Variants in GYS2 observed in about 807,000 individuals in gnomAD.
The protein encoded by GYS2 is glycogen synthase 2, also known as glycogen [starch] synthase, liver.
Under a neutral mutation model 85.6 loss-of-function variants are expected in GYS2, and 80 were observed. The ratio of observed to expected loss-of-function variants is 0.93; its 90% CI spans 0.78 to 1.13. The LOEUF (loss-of-function observed/expected upper bound fraction) is 1.13. Among genes scored for constraint, GYS2 ranks in the 50% most tolerant of loss-of-function variants. GYS2 has a pLI of 0.00. For synonymous variants in GYS2, 328 were observed against 300.7 expected (o/e 1.09, Z -0.94); for missense variants, 881 against 854.9 (o/e 1.03, Z -0.38).
At chr12:21,574,749 T>A (rs368486814) in intron 3 of GYS2, among the ~76,000 whole-genome samples, 1 of 152,082 alleles carries the variant, frequency 6.6e-6, no homozygotes, top group South Asian at 2.1e-4. Flanking sequence ...CTACTTAAAT[T>A]TTTTTTAATT....
At chr12:21,567,932 G>C (rs1944341404) in intron 5 of GYS2, among the ~76,000 whole-genome samples, 1 of 152,020 alleles carries the variant, frequency 6.6e-6, no homozygotes, top group Admixed American at 6.6e-5. Flanking sequence ...AATTAGCTGG[G>C]CGTGGTGGCA....
At chr12:21,542,643 T>C (rs754214405) in intron 12 of GYS2, 52 bp from the exon 13 acceptor site, 3 of 1,188,732 alleles carry the variant, frequency 2.5e-6, no homozygotes, top group Non-Finnish European at 3.8e-6. Context: ...CCTATATCCT[T>C]GTATGCACTC....
intron 15 of GYS2, among the ~76,000 whole-genome samples, chr12:21,539,030 G>C (rs1943941930): frequency 6.6e-6 from 1 of 152,158 alleles, no homozygotes; most frequent in Non-Finnish European, 1.5e-5. Flanking sequence ...CAAGCATTAA[G>C]GCAGAGAAAG....
intron 1 of GYS2, 63 bp from the exon 2 acceptor site, chr12:21,580,586 G>T: frequency 8.4e-7 from 1 of 1,190,466 alleles, no homozygotes; most frequent in Non-Finnish European, 1.2e-6. Flanking sequence ...AGTAATAAGG[G>T]ATGGAAATGA....
chr12:21,549,863 A>C (rs943750321), intron 11 of GYS2, among the ~76,000 whole-genome samples: 1 of 151,780 alleles, frequency 6.6e-6, no homozygotes, highest in Non-Finnish European at 1.5e-5. Flanking sequence ...TCCACTATAA[A>C]GTTATTCTTT....
intron 15 of GYS2, 51 bp from the exon 16 acceptor site, chr12:21,537,226 C>A: frequency 7.5e-7 from 1 of 1,329,058 alleles, no homozygotes; most frequent in South Asian, 1.2e-5. Flanking sequence ...TCTTGGCTTT[C>A]AACGATGTAA....
chr12:21,562,878 C>T (rs754693803), intron 7 of GYS2, 40 bp downstream of exon 7: 3 of 1,609,348 alleles, frequency 1.9e-6, no homozygotes, highest in Admixed American at 1.7e-5. Context: ...AGAAAGTTCT[C>T]CCTACAAGAG....
At chr12:21,541,182 C>T (rs1003364456) in intron 13 of GYS2, among the ~76,000 whole-genome samples, 1 of 146,200 alleles carries the variant, frequency 6.8e-6, no homozygotes, top group Admixed American at 7.1e-5. Flanking sequence ...GCAGGAGAAT[C>T]ACCTGAGCCA....
intron 1 of GYS2, among the ~76,000 whole-genome samples, chr12:21,583,264 G>A (rs1944532773): frequency 6.6e-6 from 1 of 152,150 alleles, no homozygotes; most frequent in African/African-American, 2.4e-5. Flanking sequence ...AAATTTATAG[G>A]GGTCCAATGG....
At position 21,541,281 on chromosome 12, in the gene GYS2, AAAAAAAAAAAC is replaced by A. The variant is rs1484421541; in HGVS notation, c.1646-719_1646-709del. 5.4e-3 allele frequency among the ~76,000 whole-genome samples: 761 copies of A among 139,762 alleles called. 5 individuals carry two copies. The highest frequency in any genetic ancestry group is 7.9e-3 in the Non-Finnish European group (484 of 61,482). 91.7% of individuals were successfully genotyped at this position (139,762 alleles called of 152,430 possible). A position where few individuals can be genotyped will look rare whatever the true frequency, so the allele number is the denominator to read the frequency against. On this transcript the variant is annotated intron_variant, in intron 13 of 15. Transcript: ENST00000261195. Reference sequence around the variant, plus strand: ...AGACCATGTTTCCAAAAAAAAAAAAAAAAAAAAAAACAAAAAACCCAGGGAAATGGCAATGT... The same window carrying A: ...AGACCATGTTTCCAAAAAAAAAAAAAAAAAAACCCAGGGAAATGGCAATGT...
At chr12:21,596,060 A>C (rs559002292) in intron 1 of GYS2, among the ~76,000 whole-genome samples, 1 of 152,284 alleles carries the variant, frequency 6.6e-6, no homozygotes, top group East Asian at 1.9e-4. Context: ...AATGAGCCTC[A>C]ATAAATTTAC....
intron 7 of GYS2, 100 bp downstream of exon 7, chr12:21,562,818 T>C: frequency 7.7e-7 from 1 of 1,294,264 alleles, no homozygotes; most frequent in South Asian, 1.2e-5. Context: ...TTATCGTTTA[T>C]TCTCTTGAAA....
At chr12:21,580,577 G>T in intron 1 of GYS2, 54 bp from the exon 2 acceptor site, 2 of 1,309,664 alleles carry the variant, frequency 1.5e-6, no homozygotes, top group Non-Finnish European at 1.1e-6. Context: ...TTTGTTTAAA[G>T]TAATAAGGGA....
chr12:21,562,805 C>A, intron 7 of GYS2, 113 bp downstream of exon 7: 1 of 1,135,482 alleles, frequency 8.8e-7, no homozygotes, highest in Non-Finnish European at 1.3e-6. Context: ...TTTTAGAATA[C>A]GATTATCGTT....
chr12:21,583,514 T>C (rs1944535478), intron 1 of GYS2, among the ~76,000 whole-genome samples: 1 of 152,234 alleles, frequency 6.6e-6, no homozygotes, highest in Non-Finnish European at 1.5e-5. Context: ...TGCAAGCTGC[T>C]ATGCCACTTG....
chr12:21,543,825 G>C (rs1262685073), intron 12 of GYS2, among the ~76,000 whole-genome samples: 2 of 152,152 alleles, frequency 1.3e-5, no homozygotes, highest in Non-Finnish European at 2.9e-5. Context: ...TCCCACTTAT[G>C]AGTGAGAACA....
chr12:21,559,535 AAGGT>A, intron 9 of GYS2, 112 bp downstream of exon 9: 1 of 715,206 alleles, frequency 1.4e-6, no homozygotes, highest in East Asian at 2.7e-5. Flanking sequence ...CACATTTTCA[AAGGT>A]TATTAATTCC....
chr12:21,600,101 C>G (rs1037484171), intron 1 of GYS2, among the ~76,000 whole-genome samples: 1 of 152,068 alleles, frequency 6.6e-6, no homozygotes. Context: ...AATGGAGCAA[C>G]AAATTGATGG....
chr12:21,568,995 T>G lies in GYS2; in HGVS notation c.693A>C (p.Lys231Asn), dbSNP rs1591796146. Reference sequence around the variant, plus strand: ...GGTAAATCTGCCTTTCCCCAGCCTCTTTGTCAATGTTAAACTGTTAGAAAC... The same window carrying G: ...GGTAAATCTGCCTTTCCCCAGCCTCGTTGTCAATGTTAAACTGTTAGAAAC... ...YNHLDKFNID[K>N]EAGERQIYHR... The change falls in exon 5 of 16, where the codon AAA becomes AAC. Residue 231 changes from lysine (K) to asparagine (N), a missense_variant. Physicochemically the swap from Lys to Asn is moderately conservative, Grantham distance 94. Coordinates refer to ENST00000261195, the MANE Select transcript of GYS2 (RefSeq NM_021957.4). 1.2e-6 allele frequency: 2 copies of G among 1,614,144 alleles called. No homozygotes were observed. The highest frequency in any genetic ancestry group is 4.5e-5 in the East Asian group (2 of 44,874).
Sources: gnomAD v4.1 joint callset for allele counts (sites outside exome capture counted in the v4.1 genomes callset) on GRCh38, gnomAD v4.1.1 for gene constraint, MANE v1.5 for transcripts, NCBI Gene and HGNC (gene_info 2026-07-23, HGNC 2026-07-21) for gene names.